Variants in FBXO36 observed in about 807,000 individuals in gnomAD.
FBXO36 encodes the protein F-box protein 36.
FBXO36 carries 18 observed loss-of-function variants against 17.0 expected under a neutral mutation model. That is an observed-to-expected ratio of 1.06 (90% CI 0.73 to 1.57). FBXO36 has a LOEUF of 1.57. FBXO36 is among the 40% of genes most tolerant of loss of function. The pLI, the probability that FBXO36 is intolerant of heterozygous loss-of-function variation, is 0.00. For synonymous variants in FBXO36, 83 were observed against 85.3 expected (o/e 0.97, Z 0.15); for missense variants, 229 against 221.9 (o/e 1.03, Z -0.20).
chr2:229,974,481 A>T (rs1345517326), intron 1 of FBXO36, among the ~76,000 whole-genome samples: 1 of 152,202 alleles, frequency 6.6e-6, no homozygotes, highest in Non-Finnish European at 1.5e-5. Flanking sequence ...TTCATTAGTT[A>T]GTATAAGGAA....
At chr2:229,964,334 C>T (rs929053468) in intron 1 of FBXO36, among the ~76,000 whole-genome samples, 1 of 152,132 alleles carries the variant, frequency 6.6e-6, no homozygotes, top group African/African-American at 2.4e-5. Context: ...TGTCCTCATA[C>T]CTCTTTGTGG....
intron 2 of FBXO36, 28 bp from the exon 3 acceptor site, chr2:229,996,723 T>C (rs776507892): frequency 6.3e-7 from 1 of 1,592,956 alleles, no homozygotes; most frequent in Non-Finnish European, 8.5e-7. Context: ...CTGTATATGA[T>C]AACCATGTTG....
At chr2:229,962,741 G>C (rs532077179) in intron 1 of FBXO36, among the ~76,000 whole-genome samples, 2 of 151,520 alleles carry the variant, frequency 1.3e-5, no homozygotes, top group African/African-American at 4.9e-5. Context: ...GCAGTGGTGC[G>C]ATCTCGGCTC....
rs375647062 is a variant in FBXO36 at position 229,979,731 on chromosome 2, G to A, written c.205+3382G>A. Among the ~76,000 whole-genome samples the A allele has an allele frequency of 2.6e-5, 4 of 151,370 alleles. No individual in the cohort carries two copies. The East Asian group carries it at 7.8e-4, about 29-fold the overall frequency. On this transcript the variant is annotated intron_variant, in intron 2 of 3. Transcript: ENST00000283946. ...GGAGGCGGAGTTAAAAAAAAAAAAA[G>A]TCTGCTGGATTGAGTGGTTCACTGT...
intron 3 of FBXO36, among the ~76,000 whole-genome samples, chr2:229,997,881 C>G (rs1375944821): frequency 6.6e-6 from 1 of 152,176 alleles, no homozygotes; most frequent in Admixed American, 6.6e-5. Context: ...CTGGAAGATA[C>G]CTTGGTCCCT....
In FBXO36 at chr2:229,996,785, A is replaced by T; in HGVS notation, c.240A>T (p.Leu80Phe). The T allele has an allele frequency of 6.2e-7, 1 of 1,613,104 alleles. No individual in the cohort carries two copies. ...QTALIFGARI[L>F]DYVINLCKGK... ...CCTTAATATTTGGTGCAAGAATATT[A>T]GACTATGTCATCAATTTGTGCAAAG... Residue 80 changes from leucine (L) to phenylalanine (F), a missense_variant, in exon 3 of 4, where the codon TTA (leucine) becomes TTT (phenylalanine). Physicochemically the swap from Leu to Phe is conservative, Grantham distance 22. Coordinates refer to ENST00000283946, the MANE Select transcript of FBXO36 (RefSeq NM_174899.5).
intron 3 of FBXO36, among the ~76,000 whole-genome samples, chr2:230,002,963 A>C (rs2077367773): frequency 6.6e-6 from 1 of 152,122 alleles, no homozygotes; most frequent in Non-Finnish European, 1.5e-5. Context: ...ACAGTGGCTC[A>C]CACCTTTGGG....
chr2:229,973,038 G>GGACAGA (rs2077188906), intron 1 of FBXO36, among the ~76,000 whole-genome samples: 2 of 151,688 alleles, frequency 1.3e-5, no homozygotes, highest in South Asian at 4.2e-4. Context: ...CTCCAGCCTG[G>GGACAGA]GACAGAGCAA....
intron 2 of FBXO36, among the ~76,000 whole-genome samples, chr2:229,983,085 C>T (rs908412396): frequency 2.6e-5 from 4 of 151,836 alleles, no homozygotes; most frequent in African/African-American, 4.8e-5. Flanking sequence ...TGGGCTCAAA[C>T]AATCCTCCTG....
intron 1 of FBXO36, among the ~76,000 whole-genome samples, chr2:229,936,813 G>C (rs2106158050): frequency 6.6e-6 from 1 of 152,296 alleles, no homozygotes; most frequent in Non-Finnish European, 1.5e-5. Context: ...TGAGGCTACA[G>C]CGAGTCGTGA....
intron 1 of FBXO36, among the ~76,000 whole-genome samples, chr2:229,961,236 TGAACTCTTCCACCAATA>T (rs1329425273): frequency 6.6e-6 from 1 of 152,190 alleles, no homozygotes; most frequent in African/African-American, 2.4e-5. Flanking sequence ...AAGATACTGG[TGAACTCTTCCACCAATA>T]TATTTGTTTA....
intron 1 of FBXO36, among the ~76,000 whole-genome samples, chr2:229,971,911 C>T (rs1045472601): frequency 4.0e-5 from 6 of 151,382 alleles, no homozygotes; most frequent in Non-Finnish European, 5.9e-5. Flanking sequence ...CTCCTGGGCC[C>T]AAGTGATCCT....
rs185620685 is a variant in FBXO36 at position 229,955,491 on chromosome 2, G to A, written c.97-20750G>A. On this transcript the variant is annotated intron_variant, in intron 1 of 3. Coordinates refer to ENST00000283946, the MANE Select transcript of FBXO36 (RefSeq NM_174899.5). ...TGCTTGTGCCACTGCAGTCCAGCCC[G>A]GGCAACAGAGTGAGACCCCGTCTCA... Among the ~76,000 whole-genome samples the A allele has an allele frequency of 8.1e-3, 1,236 of 151,828 alleles. 12 individuals are homozygous for A. Among genetic ancestry groups the A allele is most frequent in the Non-Finnish European group, 8.8e-3 (598 of 67,952 alleles).
chr2:230,009,486 A>T (rs1005517749), intron 3 of FBXO36, among the ~76,000 whole-genome samples: 11 of 152,218 alleles, frequency 7.2e-5, no homozygotes, highest in Admixed American at 2.6e-4. Context: ...GGCAAAAGTT[A>T]ATAGAAGAAT....
intron 1 of FBXO36, among the ~76,000 whole-genome samples, chr2:229,959,503 G>T (rs1034528604): frequency 6.6e-5 from 10 of 152,136 alleles, no homozygotes; most frequent in African/African-American, 2.4e-4. Context: ...CAGCAATCAT[G>T]AATTCTCCAG....
chr2:230,008,604 CT>C (rs1330324149), intron 3 of FBXO36, among the ~76,000 whole-genome samples: 4 of 151,798 alleles, frequency 2.6e-5, no homozygotes, highest in African/African-American at 9.7e-5. Context: ...GAATTATTTC[CT>C]TTCCCCCCAA....
chr2:229,968,640 G>T (rs1382030916), intron 1 of FBXO36, among the ~76,000 whole-genome samples: 2 of 152,026 alleles, frequency 1.3e-5, no homozygotes, highest in East Asian at 3.9e-4. Flanking sequence ...GCTAATTTTT[G>T]TATTTTTTGT....
chr2:229,929,507 A>G (rs2076928329), intron 1 of FBXO36, among the ~76,000 whole-genome samples: 2 of 151,886 alleles, frequency 1.3e-5, no homozygotes, highest in African/African-American at 4.8e-5. Context: ...CGAAGCTTGC[A>G]GTGAGCTGAG....
intron 1 of FBXO36, among the ~76,000 whole-genome samples, chr2:229,931,919 TA>T (rs199638963): frequency 0.056 from 2,526 of 44,920 alleles, 107 homozygotes; most frequent in African/African-American, 0.14. Context: ...TATGTGTATA[TA>T]TTTTTTTTTT....
Sources: allele counts gnomAD v4.1 joint callset (sites outside exome capture counted in the v4.1 genomes callset), GRCh38; gene constraint gnomAD v4.1.1; transcripts MANE v1.5; gene names NCBI Gene and HGNC (gene_info 2026-07-23, HGNC 2026-07-21).